SPMIP4: variants seen among roughly 807,000 people sequenced by gnomAD.
SPMIP4 encodes the protein sperm-associated microtubule inner protein 4.
chr7:25,147,383 G>C, the SPMIP4 span, among the ~76,000 whole-genome samples: 14 of 152,196 alleles, frequency 9.2e-5, 1 homozygote, highest in Admixed American at 7.9e-4. Context: ...CGGTCAGTGA[G>C]AAGAGATCTC....
chr7:25,147,373 C>T, the SPMIP4 span, among the ~76,000 whole-genome samples: 6 of 152,046 alleles, frequency 3.9e-5, no homozygotes, highest in Admixed American at 2.6e-4. Flanking sequence ...CAGATGGAAA[C>T]GGTCAGTGAG....
the SPMIP4 span, among the ~76,000 whole-genome samples, chr7:25,128,909 G>C: frequency 1.3e-5 from 2 of 152,208 alleles, no homozygotes; most frequent in Non-Finnish European, 2.9e-5. The surrounding 1 kb of genome is among the most constrained non-coding windows in gnomAD (Gnocchi z 4.5). Context: ...TTCCGTTCTG[G>C]CCCAGGGTGT....
the SPMIP4 span, among the ~76,000 whole-genome samples, chr7:25,160,649 C>T: frequency 1.3e-5 from 2 of 152,088 alleles, no homozygotes; most frequent in Non-Finnish European, 2.9e-5. Context: ...GTAATGTACA[C>T]GACAAACTAT....
chr7:25,136,103 A>G, the SPMIP4 span: 1 of 1,614,138 alleles, frequency 6.2e-7, no homozygotes. The surrounding 1 kb of genome is among the most constrained non-coding windows in gnomAD (Gnocchi z 5.7). Context: ...GTTTTTGAAA[A>G]AGAGTTCTTA....
chr7:25,168,595 C>T, the SPMIP4 span: 1 of 748,158 alleles, frequency 1.3e-6, no homozygotes, highest in East Asian at 2.9e-5. Context: ...ACAGAATTCT[C>T]AGTGTCAGGT....
chr7:25,126,468 C>T, the SPMIP4 span, among the ~76,000 whole-genome samples: 90 of 152,230 alleles, frequency 5.9e-4, 1 homozygote, highest in Middle Eastern at 3.4e-3. Context: ...TGAGCCACCA[C>T]GCCCAGGGCA....
the SPMIP4 span, among the ~76,000 whole-genome samples, chr7:25,153,256 T>A: frequency 0.36 from 55,008 of 151,950 alleles, 12,407 homozygotes; most frequent in Non-Finnish European, 0.5. Flanking sequence ...GTCCCTTATG[T>A]TACTGCACTG....
At chr7:25,171,342 AATACTATTGAATAAATG>A in the SPMIP4 span, among the ~76,000 whole-genome samples, 1 of 152,186 alleles carries the variant, frequency 6.6e-6, no homozygotes, top group Non-Finnish European at 1.5e-5. Context: ...GCACTCAAAT[AATACTATTGAATAAATG>A]AGTAAGGCCA....
the SPMIP4 span, among the ~76,000 whole-genome samples, chr7:25,137,987 G>A: frequency 2.0e-5 from 3 of 152,146 alleles, no homozygotes; most frequent in Admixed American, 1.3e-4. Context: ...TTTTAGGAGG[G>A]TTTTTGATAA....
the SPMIP4 span, among the ~76,000 whole-genome samples, chr7:25,132,048 G>A: frequency 6.6e-6 from 1 of 152,180 alleles, no homozygotes; most frequent in Non-Finnish European, 1.5e-5. The surrounding 1 kb of genome is among the most constrained non-coding windows in gnomAD (Gnocchi z 5.0). Flanking sequence ...ATTTAATAGA[G>A]TGAAATAGAG....
the SPMIP4 span, among the ~76,000 whole-genome samples, chr7:25,168,729 C>T: frequency 7.7e-4 from 109 of 142,094 alleles, no homozygotes; most frequent in Non-Finnish European, 1.3e-3. Flanking sequence ...TTTTCATTTT[C>T]GTTTTTTTTT....
chr7:25,148,463 G>C, the SPMIP4 span, among the ~76,000 whole-genome samples: 7 of 141,222 alleles, frequency 5.0e-5, no homozygotes, highest in East Asian at 1.5e-3. Flanking sequence ...GGCAGCATGA[G>C]ACAGAATCTG....
chr7:25,142,714 G>A, the SPMIP4 span: 2 of 1,612,658 alleles, frequency 1.2e-6, no homozygotes, highest in Non-Finnish European at 1.7e-6. Context: ...TTCTTTGGCA[G>A]AGCAAATAGG....
the SPMIP4 span, chr7:25,125,902 G>C: frequency 3.0e-6 from 3 of 985,262 alleles, no homozygotes; most frequent in Non-Finnish European, 3.6e-6. Flanking sequence ...TCACATTCCA[G>C]CTCTCCGCTT....
At chr7:25,133,422 A>C in the SPMIP4 span, among the ~76,000 whole-genome samples, 1 of 152,214 alleles carries the variant, frequency 6.6e-6, no homozygotes, top group East Asian at 1.9e-4. Context: ...AACCATCTCT[A>C]AGCATTACAC....
the SPMIP4 span, among the ~76,000 whole-genome samples, chr7:25,154,169 C>T: frequency 1.3e-5 from 2 of 152,166 alleles, no homozygotes; most frequent in Admixed American, 6.5e-5. Flanking sequence ...TTACTGTCTG[C>T]TAATAAGACA....
At chr7:25,173,331 T>A in the SPMIP4 span, among the ~76,000 whole-genome samples, 1 of 152,228 alleles carries the variant, frequency 6.6e-6, no homozygotes, top group Non-Finnish European at 1.5e-5. The surrounding 1 kb of genome is among the most constrained non-coding windows in gnomAD (Gnocchi z 4.4). Flanking sequence ...GCATGGCCCA[T>A]GGGCCAAATC....
the SPMIP4 span, among the ~76,000 whole-genome samples, chr7:25,133,391 G>A: frequency 3.9e-5 from 6 of 152,182 alleles, no homozygotes; most frequent in East Asian, 1.2e-3. Flanking sequence ...TTCTGTAAAT[G>A]ACTTGGATAT....
the SPMIP4 span, among the ~76,000 whole-genome samples, chr7:25,169,379 C>A: frequency 0.16 from 23,986 of 151,994 alleles, 2,434 homozygotes; most frequent in African/African-American, 0.29. Flanking sequence ...ATCCCCTATA[C>A]TCCCCACCCT....
Sources: gnomAD v4.1 joint callset for allele counts (sites outside exome capture counted in the v4.1 genomes callset) on GRCh38, gnomAD v4.1.1 for gene constraint, Gnocchi (gnomAD v3.1) non-coding constraint, MANE v1.5 for transcripts, NCBI Gene and HGNC (gene_info 2026-07-23, HGNC 2026-07-21) for gene names.